DCC: variants seen among roughly 807,000 people sequenced by gnomAD.
DCC encodes the protein netrin receptor DCC.
DCC carries 58 observed loss-of-function variants against 172.5 expected under a neutral mutation model. The ratio of observed to expected loss-of-function variants is 0.34; its 90% CI spans 0.27 to 0.42. The LOEUF is 0.42. Ranked by LOEUF, DCC falls within the 10% of genes least tolerant of loss-of-function variation. DCC has a pLI of 1.00. For missense variants in DCC, 1,740 were observed against 1,791.0 expected, an observed-to-expected ratio of 0.97 and a Z score of 0.51; for synonymous variants, 709 against 644.5, an observed-to-expected ratio of 1.10 and a Z score of -1.52.
At chr18:53,179,256 G>T in intron 9 of DCC, 140 bp downstream of exon 9, 1 of 835,764 alleles carries the variant, frequency 1.2e-6, no homozygotes, top group East Asian at 2.7e-5. Context: ...TATATAACTC[G>T]AGGACTTTTA....
intron 1 of DCC, among the ~76,000 whole-genome samples, chr18:52,392,527 C>G (rs1986068090): frequency 6.6e-6 from 1 of 152,062 alleles, no homozygotes; most frequent in South Asian, 2.1e-4. Context: ...ATGTACAATG[C>G]AAGTTGATGG....
At chr18:52,914,542 CA>C (rs5824976) in intron 3 of DCC, among the ~76,000 whole-genome samples, 60,409 of 151,956 alleles carry the variant, frequency 0.4, 12,569 homozygotes, top group Non-Finnish European at 0.47. Flanking sequence ...CCTCCATGTC[CA>C]AAAGCTCCTT....
intron 5 of DCC, among the ~76,000 whole-genome samples, chr18:53,037,360 G>T (rs2042109072): frequency 6.6e-6 from 1 of 151,934 alleles, no homozygotes; most frequent in African/African-American, 2.4e-5. Flanking sequence ...GACATATATT[G>T]CCTACTTAAC....
chr18:52,935,801 G>T (rs1598947657), intron 5 of DCC, among the ~76,000 whole-genome samples: 1 of 152,056 alleles, frequency 6.6e-6, no homozygotes, highest in Non-Finnish European at 1.5e-5. Context: ...AATATGTTAA[G>T]ATAATATTTA....
In DCC at chr18:52,846,725, ATTC is replaced by A. The variant is rs1156532110; in HGVS notation, c.413-59316_413-59314del. ...GAAATGGTGTGTCAGGTCTGACCCT[ATTC>A]TTTTTAAACTAAGAAAAAGGAGAAT... On this transcript the variant is annotated intron_variant, in intron 2 of 28. Transcript: ENST00000442544. Among the ~76,000 whole-genome samples the A allele has an allele frequency of 4.6e-5, 7 of 151,468 alleles. No individual in the cohort carries two copies. The East Asian group carries it at 1.2e-3, about 25-fold the overall frequency.
chr18:53,516,838 A>C (rs2046339651), intron 27 of DCC, among the ~76,000 whole-genome samples: 1 of 140,816 alleles, frequency 7.1e-6, no homozygotes, highest in Non-Finnish European at 1.5e-5. Flanking sequence ...GAACACTTTG[A>C]CACTGTTGGT....
At chr18:53,012,265 G>A (rs1057059265) in intron 5 of DCC, among the ~76,000 whole-genome samples, 1 of 151,764 alleles carries the variant, frequency 6.6e-6, no homozygotes, top group Non-Finnish European at 1.5e-5. Flanking sequence ...ATTCATAGTA[G>A]CAAAAATCTG....
At chr18:52,385,105 T>C (rs1985740514) in intron 1 of DCC, among the ~76,000 whole-genome samples, 1 of 152,068 alleles carries the variant, frequency 6.6e-6, no homozygotes, top group African/African-American at 2.4e-5. Flanking sequence ...AAAGGAAAAT[T>C]AAATGTGAAT....
At chr18:53,527,086 G>C in intron 28 of DCC, 1 of 318,110 alleles carries the variant, frequency 3.1e-6, no homozygotes, top group Non-Finnish European at 5.9e-6. Flanking sequence ...TATACACATG[G>C]ATACGTGTGT....
rs2056082798 is a variant in DCC, at chr18:53,229,029, C to T, written c.1911+13432C>T. On this transcript the variant is annotated intron_variant, in intron 12 of 28. Coordinates refer to ENST00000442544, the MANE Select transcript of DCC (RefSeq NM_005215.4). The stretch of plus-strand genomic sequence containing the variant: ...GTATAATATACATTTCCTAATGGTT[C>T]CAGACCACTGTTGCTACTTCTGATT... Among the ~76,000 whole-genome samples, 3 of 152,170 alleles carry T rather than the reference C, an allele frequency of 2.0e-5. No homozygotes were observed. The South Asian group carries it at 6.2e-4, about 32-fold the overall frequency.
At chr18:53,440,776 A>G (rs1568133897) in intron 22 of DCC, among the ~76,000 whole-genome samples, 1 of 151,246 alleles carries the variant, frequency 6.6e-6, no homozygotes, top group Non-Finnish European at 1.5e-5. Flanking sequence ...TCATCCACCC[A>G]TTATCTTTAT....
At position 53,392,948 on chromosome 18, in the gene DCC, A is replaced by G. The variant is rs1367587085; in HGVS notation, c.2688+1061A>G. ...TTTTGAAAATAAGAGCATAAATGCC[A>G]CCCAACAACTAAGAAATCAAATAGT... On this transcript the variant is annotated intron_variant, in intron 17 of 28. Transcript: ENST00000442544. Among the ~76,000 whole-genome samples the G allele has an allele frequency of 2.6e-5, 4 of 152,344 alleles. No homozygotes were observed. The East Asian group carries it at 7.7e-4, about 29-fold the overall frequency.
Position 53,521,877 on chromosome 18 carries a change from A to G in DCC, c.4112-4740A>G, listed in dbSNP as rs1050065839. On this transcript the variant is annotated intron_variant, in intron 27 of 28. Transcript: ENST00000442544. ...TGTGTGAAAAAATATATAGAGACAA[A>G]TGTTCATTTTTAAAATGCAGCTGCT... Among the ~76,000 whole-genome samples the G allele has an allele frequency of 5.9e-5, 9 of 152,224 alleles. No homozygotes were observed. In the Middle Eastern group the frequency reaches 0.01, roughly 173 times the overall value.
In DCC at chr18:53,159,008, A is replaced by AAAAAAG. The variant is rs34406723; in HGVS notation, c.1418+1496_1418+1497insAAAAAG. On this transcript the variant is annotated intron_variant, in intron 8 of 28. Transcript: ENST00000442544. ...CATCTCAAAAAAAAAAAAAAAAAGA[A>AAAAAAG]GAAGATGTAGGCATACCCATATTGC... Among the ~76,000 whole-genome samples the AAAAAAG allele has an allele frequency of 2.9e-3, 341 of 119,142 alleles. 45 individuals are homozygous for AAAAAAG. The South Asian group carries it at 0.041, about 14-fold the overall frequency. 78.2% of individuals were successfully genotyped at this position (119,142 alleles called of 152,430 possible).
chr18:52,641,398 A>G (rs1048166398), intron 1 of DCC, among the ~76,000 whole-genome samples: 1 of 152,208 alleles, frequency 6.6e-6, no homozygotes, highest in Non-Finnish European at 1.5e-5. Context: ...TTGCACGGCA[A>G]AAGGAACAAT....
At chr18:52,789,176 C>T (rs1240000283) in intron 2 of DCC, among the ~76,000 whole-genome samples, 3 of 152,144 alleles carry the variant, frequency 2.0e-5, no homozygotes, top group Non-Finnish European at 4.4e-5. Context: ...TGTCAGATAA[C>T]ACAATGAAAA....
At chr18:53,528,701 G>A (rs2046486549) in intron 28 of DCC, among the ~76,000 whole-genome samples, 1 of 151,930 alleles carries the variant, frequency 6.6e-6, no homozygotes, top group Admixed American at 6.6e-5. Flanking sequence ...AAAATAAATA[G>A]GTGAAGTTAA....
At chr18:53,073,296 C>T (rs997340208) in intron 7 of DCC, among the ~76,000 whole-genome samples, 4 of 152,176 alleles carry the variant, frequency 2.6e-5, no homozygotes, top group Non-Finnish European at 5.9e-5. Flanking sequence ...GAGGCCAAGG[C>T]AGGCAGATCA....
intron 26 of DCC, among the ~76,000 whole-genome samples, chr18:53,491,887 A>G (rs1487162318): frequency 6.6e-6 from 1 of 152,108 alleles, no homozygotes; most frequent in Non-Finnish European, 1.5e-5. Flanking sequence ...GAATTGCCAC[A>G]CTGTCTTCCA....
Sources: allele counts gnomAD v4.1 joint callset (sites outside exome capture counted in the v4.1 genomes callset), GRCh38; gene constraint gnomAD v4.1.1; transcripts MANE v1.5; gene names NCBI Gene and HGNC (gene_info 2026-07-23, HGNC 2026-07-21).